Variants in PHAX observed in about 807,000 individuals in gnomAD.
The protein encoded by PHAX is phosphorylated adaptor for RNA export.
In PHAX, 31 loss-of-function variants were observed where a neutral mutation model predicts 41.6. That is an observed-to-expected ratio of 0.75 (90% confidence interval 0.56 to 1.01). PHAX has a LOEUF of 1.01. Ranked by LOEUF, PHAX falls within the 50% of genes least tolerant of loss-of-function variation. PHAX has a pLI of 0.00. For synonymous variants in PHAX, 175 were observed against 164.9 expected (o/e 1.06, Z -0.47); for missense variants, 453 against 472.9 (o/e 0.96, Z 0.39).
At chr5:126,615,205 T>A (rs1752165619) in intron 3 of PHAX, among the ~76,000 whole-genome samples, 1 of 152,150 alleles carries the variant, frequency 6.6e-6, no homozygotes, top group Non-Finnish European at 1.5e-5. Flanking sequence ...CAGTGAATAG[T>A]TATATCATAA....
At position 126,625,956 on chromosome 5, in the gene PHAX, A is replaced by T. The variant is rs1339120880; in HGVS notation, c.*1112A>T. ...ATGATCTGCCCACCTCTGCCTCCCA[A>T]AGTGCTGGGATCACAGGCATGAGCC... On this transcript the variant is annotated 3_prime_UTR_variant, in exon 5 of 5. Coordinates refer to ENST00000297540, the MANE Select transcript of PHAX (RefSeq NM_032177.4). 1 of 152,152 alleles carries T rather than the reference A, an allele frequency of 6.6e-6. No individual in the cohort carries two copies. The highest frequency in any genetic ancestry group is 1.5e-5 in the Non-Finnish European group (1 of 68,048). 9.4% of individuals were successfully genotyped at this position (152,152 alleles called of 1,614,324 possible). A position where few individuals can be genotyped will look rare whatever the true frequency, so the allele number is the denominator to read the frequency against.
At chr5:126,613,068 G>T (rs1270370320) in intron 3 of PHAX, among the ~76,000 whole-genome samples, 1 of 152,160 alleles carries the variant, frequency 6.6e-6, no homozygotes, top group Non-Finnish European at 1.5e-5. Flanking sequence ...AAACCAATTG[G>T]CCAGGCGCAG....
At chr5:126,618,550 C>G (rs1171586494) in intron 4 of PHAX, among the ~76,000 whole-genome samples, 1 of 152,024 alleles carries the variant, frequency 6.6e-6, no homozygotes, top group African/African-American at 2.4e-5. Context: ...TATACTTTCC[C>G]CCTAAGCAGA....
intron 4 of PHAX, among the ~76,000 whole-genome samples, chr5:126,618,786 G>A (rs1175229788): frequency 6.6e-6 from 1 of 151,898 alleles, no homozygotes; most frequent in Non-Finnish European, 1.5e-5. Context: ...AGCCTCCTGA[G>A]TAGCTGGGAT....
At chr5:126,607,911 T>C (rs945491383) in intron 2 of PHAX, among the ~76,000 whole-genome samples, 3 of 152,172 alleles carry the variant, frequency 2.0e-5, no homozygotes, top group Non-Finnish European at 2.9e-5. Context: ...GCTGTTTCTA[T>C]TTTTTGTTCT....
chr5:126,626,330 A>G lies in PHAX; in HGVS notation c.*1486A>G, dbSNP rs1318572759. Reference sequence around the variant, plus strand: ...GTTACATATGCCGGCGCAGTGGCTCATGTGTGTAATCCCAGCACTCTGGGA... The same window carrying G: ...GTTACATATGCCGGCGCAGTGGCTCGTGTGTGTAATCCCAGCACTCTGGGA... On this transcript the variant is annotated 3_prime_UTR_variant, in exon 5 of 5. Coordinates refer to ENST00000297540, the MANE Select transcript of PHAX (RefSeq NM_032177.4). 2 of 152,186 alleles carry G rather than the reference A, an allele frequency of 1.3e-5. No homozygotes were observed. The highest frequency in any genetic ancestry group is 6.6e-5 in the Admixed American group (1 of 15,266). The allele number at this position is 152,186 out of a possible 1,614,324, so 9.4% of individuals were successfully genotyped here. A position where few individuals can be genotyped will look rare whatever the true frequency, so the allele number is the denominator to read the frequency against.
chr5:126,621,362 A>G (rs1290371448), intron 4 of PHAX, among the ~76,000 whole-genome samples: 4 of 151,916 alleles, frequency 2.6e-5, no homozygotes, highest in African/African-American at 9.7e-5. Flanking sequence ...GCTTATTTTT[A>G]AAATATTTTG....
chr5:126,604,183 G>A lies in PHAX; in HGVS notation c.710G>A (p.Arg237Lys). The change falls in exon 2 of 5, where the codon AGG (arginine) becomes AAG (lysine). Residue 237 changes from arginine to lysine, a missense_variant and splice_region_variant. Coordinates refer to ENST00000297540, the MANE Select transcript of PHAX (RefSeq NM_032177.4). ...AAAGTGGCTGATGAAATTTCATTCA[G>A]GTGAGCATTTGAATTACAAATAAGT... The part of the protein sequence containing the change: ...QEKVADEISF[R>K]LQEPKKDLIA... The A allele has an allele frequency of 6.6e-7, 1 of 1,521,716 alleles. No individual in the cohort carries two copies. The highest frequency in any genetic ancestry group is 8.8e-7 in the Non-Finnish European group (1 of 1,137,628). The allele number at this position is 1,521,716 out of a possible 1,614,324, so 94.3% of individuals were successfully genotyped here. A position where few individuals can be genotyped will look rare whatever the true frequency, so the allele number is the denominator to read the frequency against.
At chr5:126,619,743 G>T (rs1752240180) in intron 4 of PHAX, among the ~76,000 whole-genome samples, 1 of 151,998 alleles carries the variant, frequency 6.6e-6, no homozygotes, top group Non-Finnish European at 1.5e-5. Flanking sequence ...TGTGTTACTG[G>T]GAATATCTTT....
intron 3 of PHAX, among the ~76,000 whole-genome samples, chr5:126,612,422 G>A (rs757589717): frequency 5.9e-5 from 9 of 152,104 alleles, no homozygotes; most frequent in South Asian, 2.1e-4. Context: ...TTCCTAGGCC[G>A]GGCGTGGTGG....
Position 126,603,750 on chromosome 5 carries a change from A to G in PHAX, c.277A>G (p.Lys93Glu), listed in dbSNP as rs1258687988. Residue 93 changes from lysine to glutamate, a missense_variant, in exon 2 of 5, where the codon AAA (lysine) becomes GAA (glutamate). By Grantham distance (56) the Lys-to-Glu change is moderately conservative. Coordinates refer to ENST00000297540, the MANE Select transcript of PHAX (RefSeq NM_032177.4). ...ACAGAAATGTTTTAACCCTCCTCCC[A>G]AACCAGAGCCTTTTCAGTTTGGCCA... ...KRQKCFNPPPKPEPFQFGQSS... is the reference protein window; with the variant it reads ...KRQKCFNPPPEPEPFQFGQSS... 6.2e-7 allele frequency: 1 copy of G among 1,614,170 alleles called. No homozygotes were observed. Among genetic ancestry groups the G allele is most frequent in the South Asian group, 1.1e-5 (1 of 91,078 alleles).
chr5:126,607,495 CAG>C (rs747143927), intron 2 of PHAX, among the ~76,000 whole-genome samples: 13 of 147,834 alleles, frequency 8.8e-5, no homozygotes, highest in Non-Finnish European at 1.6e-4. Context: ...GCCTCAGCCT[CAG>C]GGTTCAAGCA....
chr5:126,613,712 TAC>T (rs1337084219), intron 3 of PHAX, among the ~76,000 whole-genome samples: 1 of 152,042 alleles, frequency 6.6e-6, no homozygotes, highest in Non-Finnish European at 1.5e-5. Flanking sequence ...GTCAAAATGT[TAC>T]AGTGATTACC....
intron 2 of PHAX, 48 bp from the exon 3 acceptor site, chr5:126,608,316 A>C (rs2112831148): frequency 6.4e-7 from 1 of 1,565,098 alleles, no homozygotes; most frequent in Non-Finnish European, 8.7e-7. Flanking sequence ...AGATTTCTTC[A>C]ACTTTGTACA....
intron 4 of PHAX, among the ~76,000 whole-genome samples, chr5:126,620,943 C>G (rs1752260262): frequency 6.6e-6 from 1 of 152,114 alleles, no homozygotes; most frequent in Non-Finnish European, 1.5e-5. Flanking sequence ...ACCATGTTGT[C>G]TGGGCTTGTC....
intron 3 of PHAX, among the ~76,000 whole-genome samples, chr5:126,616,204 TGCCTTA>T (rs1752181968): frequency 6.6e-6 from 1 of 152,158 alleles, no homozygotes; most frequent in South Asian, 2.1e-4. Flanking sequence ...GTGATTCTCC[TGCCTTA>T]GCCTCCCAAG....
rs562066488 is a variant in PHAX at position 126,625,667 on chromosome 5, T to C, written c.*823T>C. 6.6e-6 allele frequency: 1 copy of C among 152,164 alleles called. No homozygotes were observed. The highest frequency in any genetic ancestry group is 2.1e-4 in the South Asian group (1 of 4,820). The allele number at this position is 152,164 out of a possible 1,614,324, so 9.4% of individuals were successfully genotyped here. On this transcript the variant is annotated 3_prime_UTR_variant, in exon 5 of 5. Coordinates refer to ENST00000297540, the MANE Select transcript of PHAX (RefSeq NM_032177.4). ...TCCCACTCATTTGTTTGTCCAGAAG[T>C]AAATAAATGTCGGAAGTTTTCCAAG...
At chr5:126,624,430 A>C in intron 4 of PHAX, 145 bp from the exon 5 acceptor site, 1 of 698,668 alleles carries the variant, frequency 1.4e-6, no homozygotes, top group South Asian at 2.0e-5. Flanking sequence ...CTTACTTAAT[A>C]TCTTGAACTC....
chr5:126,617,122 G>T, intron 3 of PHAX, 128 bp from the exon 4 acceptor site: 1 of 479,182 alleles, frequency 2.1e-6, no homozygotes, highest in Non-Finnish European at 3.8e-6. Flanking sequence ...TTTTGTAAGA[G>T]TCAGAATCAG....
Sources: allele counts gnomAD v4.1 joint callset (sites outside exome capture counted in the v4.1 genomes callset), GRCh38; gene constraint gnomAD v4.1.1; transcripts MANE v1.5; gene names NCBI Gene and HGNC (gene_info 2026-07-23, HGNC 2026-07-21).